ZNF721: variants seen among roughly 807,000 people sequenced by gnomAD.
The protein encoded by ZNF721 is zinc finger protein 721.
Under a neutral mutation model 2.4 loss-of-function variants are expected in ZNF721, and 2 were observed. The ratio of observed to expected loss-of-function variants is 0.82; its 90% confidence interval spans 0.34 to 2.58. The LOEUF is 2.58. ZNF721 is among the 30% of genes most tolerant of loss of function. The probability of loss-of-function intolerance (pLI) is 0.11; values close to 1 mark genes in which losing one functional copy is unlikely to be tolerated. For synonymous variants in ZNF721, 398 were observed against 381.8 expected, an observed-to-expected ratio of 1.04 and a Z score of -0.50; for missense variants, 1,187 against 1,085.5, an observed-to-expected ratio of 1.09 and a Z score of -1.31.
chr4:492,612 G>GTTT (rs544900364), intron 1 of ZNF721, among the ~76,000 whole-genome samples: 3 of 139,258 alleles, frequency 2.2e-5, no homozygotes, highest in African/African-American at 7.8e-5. Flanking sequence ...AAAGTTTTGG[G>GTTT]TTTTTTTTTT....
chr4:495,606 C>T lies in ZNF721; in HGVS notation c.-94+3450G>A, dbSNP rs562740175. 2.1e-5 allele frequency among the ~76,000 whole-genome samples: 3 copies of T among 142,452 alleles called. No homozygotes were observed. In the East Asian group the frequency reaches 6.1e-4, roughly 29 times the overall value. 93.5% of individuals were successfully genotyped at this position (142,452 alleles called of 152,430 possible). ...AAGTTTTAGAGGAAGTTTGCCATTTCTTCTTTTTTTTTTGAGACGGAATCT... is the reference window on the plus strand; with the variant it reads ...AAGTTTTAGAGGAAGTTTGCCATTTTTTCTTTTTTTTTTGAGACGGAATCT... On this transcript the variant is annotated intron_variant, in intron 1 of 2. Coordinates refer to ENST00000511833, the MANE Select transcript of ZNF721 (RefSeq NM_133474.4).
chr4:443,450 G>C lies in ZNF721; in HGVS notation c.1017C>G (p.Gly339=). The change falls in exon 3 of 3, where the codon GGC becomes GGG. Residue 339 remains glycine (G), a synonymous_variant. Coordinates refer to ENST00000511833, the MANE Select transcript of ZNF721 (RefSeq NM_133474.4). ...GGTTTGCGGACTGTCTAAAGGTTTTGCCACATTCTCCACATGTGTAGGGTT... is the reference window on the plus strand; with the variant it reads ...GGTTTGCGGACTGTCTAAAGGTTTTCCCACATTCTCCACATGTGTAGGGTT... The part of the protein sequence containing the change: ...GEKPYTCGEC[G]KTFRQSANLY... The C allele has an allele frequency of 6.2e-7, 1 of 1,611,950 alleles. No individual in the cohort carries two copies. Among genetic ancestry groups the C allele is most frequent in the Non-Finnish European group, 8.5e-7 (1 of 1,178,346 alleles).
Position 443,382 on chromosome 4 carries a change from T to G in ZNF721, c.1085A>C (p.Lys362Thr). ...AAAGGCTTTGCCACAGTCTTCGCATTTGTAAGGTTTCTCTCCAGTATGAAT... is the reference window on the plus strand; with the variant it reads ...AAAGGCTTTGCCACAGTCTTCGCATGTGTAAGGTTTCTCTCCAGTATGAAT... ...RRIHTGEKPY[K>T]CEDCGKAFGR... The change falls in exon 3 of 3, where the codon AAA (lysine) becomes ACA (threonine). Residue 362 changes from lysine to threonine, a missense_variant. Coordinates refer to ENST00000511833, the MANE Select transcript of ZNF721 (RefSeq NM_133474.4). 1 of 1,613,956 alleles carries G rather than the reference T, an allele frequency of 6.2e-7. No homozygotes were observed. Among genetic ancestry groups the G allele is most frequent in the South Asian group, 1.1e-5 (1 of 91,074 alleles).
intron 1 of ZNF721, among the ~76,000 whole-genome samples, chr4:497,533 T>C (rs1486481524): frequency 2.6e-5 from 4 of 151,952 alleles, no homozygotes; most frequent in Non-Finnish European, 5.9e-5. Flanking sequence ...GGGTCCAAGG[T>C]GGTCGGGGCA....
intron 2 of ZNF721, among the ~76,000 whole-genome samples, chr4:465,747 A>G (rs1416366533): frequency 6.6e-6 from 1 of 151,512 alleles, no homozygotes; most frequent in Non-Finnish European, 1.5e-5. Context: ...CTACGCTTTT[A>G]TAATTATGAG....
Position 443,504 on chromosome 4 carries a change from A to G in ZNF721, c.963T>C (p.Tyr321=), listed in dbSNP as rs553150364. The change falls in exon 3 of 3, where the codon TAT becomes TAC. Residue 321 remains tyrosine (Y), a synonymous_variant. Transcript: ENST00000511833. ...CTCCAGTATGAATTCTCCTATGTAC[A>G]TAAAGGTTTGCGGACTGTCTAAAGG... is the stretch of plus-strand genomic sequence containing the variant. ...GKAFRQSANL[Y]VHRRIHTGEK... 9.4e-5 allele frequency: 152 copies of G among 1,613,744 alleles called. No homozygotes were observed. Among genetic ancestry groups the G allele is most frequent in the Middle Eastern group, 3.3e-4 (2 of 6,060 alleles).
In ZNF721 at chr4:453,297, T is replaced by A. The variant is rs565783219; in HGVS notation, c.35-8865A>T. Among the ~76,000 whole-genome samples, 91 of 152,360 alleles carry A rather than the reference T, an allele frequency of 6.0e-4. 2 individuals carry two copies. The South Asian group carries it at 0.018, about 31-fold the overall frequency. ...ACTCTTGGTCAGTAGCAGATGGTCT[T>A]ACTACCTGGTTGCCCCAATGGCAAT... is the stretch of plus-strand genomic sequence containing the variant. On this transcript the variant is annotated intron_variant, in intron 2 of 2. Coordinates refer to ENST00000511833, the MANE Select transcript of ZNF721 (RefSeq NM_133474.4).
intron 2 of ZNF721, among the ~76,000 whole-genome samples, chr4:462,013 C>T (rs1277062761): frequency 2.6e-5 from 4 of 152,160 alleles, no homozygotes; most frequent in Non-Finnish European, 5.9e-5. Context: ...AAAACCCAAT[C>T]GTCTCAGCCC....
chr4:452,974 T>C (rs781318837), intron 2 of ZNF721, among the ~76,000 whole-genome samples: 15 of 152,186 alleles, frequency 9.9e-5, no homozygotes, highest in East Asian at 1.9e-4. Flanking sequence ...TGTACAAAAC[T>C]TGCCAGCTCA....
chr4:484,728 G>A (rs1219166024), intron 1 of ZNF721, among the ~76,000 whole-genome samples: 13 of 152,178 alleles, frequency 8.5e-5, no homozygotes, highest in Admixed American at 8.5e-4. Context: ...CTCCTGATAA[G>A]ATGTTATCAA....
intron 1 of ZNF721, among the ~76,000 whole-genome samples, chr4:492,803 AC>A (rs1241434473): frequency 4.7e-5 from 7 of 149,118 alleles, no homozygotes; most frequent in Non-Finnish European, 7.4e-5. Context: ...AAAAAAAAAA[AC>A]AAAAAACCTC....
Position 443,337 on chromosome 4 carries a change from T to A in ZNF721, c.1130A>T (p.Asn377Ile), listed in dbSNP as rs782762636. The change falls in exon 3 of 3, where the codon AAT (asparagine) becomes ATT (isoleucine). Residue 377 changes from asparagine to isoleucine, a missense_variant. Physicochemically the swap from Asn to Ile is moderately radical, Grantham distance 149. Coordinates refer to ENST00000511833, the MANE Select transcript of ZNF721 (RefSeq NM_133474.4). ...GKAFGRYTAL[N>I]QHKKIHTGEK... ...TCCAGTATGAATTTTCTTGTGTTGA[T>A]TCAGGGCTGTGTACCGTCCAAAGGC... 6.2e-7 allele frequency: 1 copy of A among 1,613,976 alleles called. No individual in the cohort carries two copies. The highest frequency in any genetic ancestry group is 1.7e-5 in the Admixed American group (1 of 60,004).
At chr4:494,543 G>T (rs534079996) in intron 1 of ZNF721, among the ~76,000 whole-genome samples, 16 of 152,104 alleles carry the variant, frequency 1.1e-4, no homozygotes, top group African/African-American at 3.9e-4. Context: ...TAGACTTTCA[G>T]ATTATTAATA....
intron 1 of ZNF721, among the ~76,000 whole-genome samples, chr4:495,547 GCAGA>G (rs1716130638): frequency 6.6e-6 from 1 of 150,714 alleles, no homozygotes; most frequent in Non-Finnish European, 1.5e-5. Context: ...GATCTCAGGT[GCAGA>G]CAGAGAAGGA....
chr4:480,852 T>G, intron 1 of ZNF721, among the ~76,000 whole-genome samples: 2 of 145,362 alleles, frequency 1.4e-5, no homozygotes, highest in East Asian at 2.1e-4. Context: ...GTTATACACA[T>G]GTGTGTGCAA....
At chr4:456,085 T>TATTG (rs1171504655) in intron 2 of ZNF721, among the ~76,000 whole-genome samples, 3 of 151,894 alleles carry the variant, frequency 2.0e-5, no homozygotes, top group East Asian at 1.9e-4. Flanking sequence ...TTTATTTATT[T>TATTG]ATTGAGATGG....
At chr4:492,213 T>A (rs537035690) in intron 1 of ZNF721, among the ~76,000 whole-genome samples, 378 of 151,944 alleles carry the variant, frequency 2.5e-3, no homozygotes, top group African/African-American at 8.8e-3. Flanking sequence ...AAATTTCAGT[T>A]TTTTCCTAAG....
chr4:458,589 G>A (rs1297118904), intron 2 of ZNF721, among the ~76,000 whole-genome samples: 1 of 152,182 alleles, frequency 6.6e-6, no homozygotes, highest in Non-Finnish European at 1.5e-5. Flanking sequence ...GCTCACGCCT[G>A]TAATCCCAGC....
Position 496,421 on chromosome 4 carries a change from TG to T in ZNF721, c.-94+2634del, listed in dbSNP as rs1329661707. Among the ~76,000 whole-genome samples, 4 of 152,142 alleles carry T rather than the reference TG, an allele frequency of 2.6e-5. No homozygotes were observed. In the East Asian group the frequency reaches 5.8e-4, roughly 22 times the overall value. ...AGATTAGACTCTAAGTATGTTCTTCTGGGGGGGAAACCTATTTAGACCCACT... is the reference window on the plus strand; with the variant it reads ...AGATTAGACTCTAAGTATGTTCTTCTGGGGGGAAACCTATTTAGACCCACT... On this transcript the variant is annotated intron_variant, in intron 1 of 2. Transcript: ENST00000511833.
Sources: gnomAD v4.1 joint callset for allele counts (sites outside exome capture counted in the v4.1 genomes callset) on GRCh38, gnomAD v4.1.1 for gene constraint, MANE v1.5 for transcripts, NCBI Gene and HGNC (gene_info 2026-07-23, HGNC 2026-07-21) for gene names.